KMT2A: variants seen among roughly 807,000 people sequenced by gnomAD.
KMT2A encodes the protein lysine methyltransferase 2A, also known as histone-lysine N-methyltransferase 2A.
KMT2A carries 16 observed loss-of-function variants against 345.3 expected under a neutral mutation model. The observed-to-expected ratio is 0.05, with a 90% CI of 0.03 to 0.07. The LOEUF (loss-of-function observed/expected upper bound fraction) is 0.07, where lower values mean the gene tolerates loss of function less well. Among genes scored for constraint, KMT2A ranks in the 10% least tolerant of loss-of-function variants. KMT2A has a pLI of 1.00. For synonymous variants in KMT2A, 1,599 were observed against 1,778.6 expected (o/e 0.90, Z 2.54); for missense variants, 3,272 against 4,841.6 (o/e 0.68, Z 9.62).
Position 118,505,868 on chromosome 11 carries a change from A to G in KMT2A, c.9976A>G (p.Thr3326Ala), listed in dbSNP as rs1434350804. Residue 3326 changes from threonine to alanine, a missense_variant, in exon 27 of 36, where the codon ACT becomes GCT. Physicochemically the swap from Thr to Ala is moderately conservative, Grantham distance 58 (BLOSUM62 0). This residue lies in a region of KMT2A where 748 missense variants were observed against 922.2 expected (regional missense o/e 0.81). Coordinates refer to ENST00000534358, the MANE Select transcript of KMT2A (RefSeq NM_001197104.2). This position sits in a 1 kb window ranked among gnomAD's most constrained non-coding sequence, Gnocchi z 4.6. ...AAGTSTISQDTSHLTSGSVSG... is the reference protein window; with the variant it reads ...AAGTSTISQDASHLTSGSVSG... Reference sequence around the variant, plus strand: ...AGGCACATCAACAATAAGCCAGGATACTAGCCACCTCACATCAGGGTCTGT... The same window carrying G: ...AGGCACATCAACAATAAGCCAGGATGCTAGCCACCTCACATCAGGGTCTGT... The G allele has an allele frequency of 6.2e-7, 1 of 1,614,098 alleles. No individual in the cohort carries two copies. The highest frequency in any genetic ancestry group is 1.3e-5 in the African/African-American group (1 of 74,932).
chr11:118,496,327 A>T lies in KMT2A; in HGVS notation c.5624A>T (p.Gln1875Leu). 1 of 1,613,856 alleles carries T rather than the reference A, an allele frequency of 6.2e-7. No homozygotes were observed. Among genetic ancestry groups the T allele is most frequent in the South Asian group, 1.1e-5 (1 of 91,086 alleles). Residue 1875 changes from glutamine (Q) to leucine (L), a missense_variant, in exon 20 of 36, where the codon CAG becomes CTG. By Grantham distance (113) the Gln-to-Leu change is moderately radical. Coordinates refer to ENST00000534358, the MANE Select transcript of KMT2A (RefSeq NM_001197104.2). The surrounding 1 kb of genome is among the most constrained non-coding windows in gnomAD (Gnocchi z 4.7). ...NPPPGIEDNRQCALCLTYGDD... is the reference protein window; with the variant it reads ...NPPPGIEDNRLCALCLTYGDD... ...CCCCCAGGCATAGAAGACAATAGAC[A>T]GTGTGCGTTATGTTTGACTTATGGT...
At position 118,524,290 on chromosome 11, in the gene KMT2A, G is replaced by A. The variant is rs1951034011; in HGVS notation, c.*2118G>A. 5.3e-6 allele frequency: 1 copy of A among 187,100 alleles called. No homozygotes were observed. The highest frequency in any genetic ancestry group is 2.3e-5 in the African/African-American group (1 of 42,666). The allele number at this position is 187,100 out of a possible 1,614,324, so 11.6% of individuals were successfully genotyped here. ...AGTAGTGTAGTCCAAGTAGAGGGTG[G>A]GGCACCCTTTTCTCGCCGCAAGAAG... On this transcript the variant is annotated 3_prime_UTR_variant, in exon 36 of 36. Transcript: ENST00000534358.
chr11:118,489,331 G>A (rs1317309086), intron 11 of KMT2A, among the ~76,000 whole-genome samples: 2 of 151,466 alleles, frequency 1.3e-5, no homozygotes, highest in African/African-American at 4.9e-5. Flanking sequence ...CATGGACTTT[G>A]GTATCCTCTG....
At chr11:118,513,106 G>A (rs758081290) in intron 31 of KMT2A, among the ~76,000 whole-genome samples, 4 of 152,032 alleles carry the variant, frequency 2.6e-5, no homozygotes, top group Admixed American at 6.6e-5. Context: ...AGCCGGCACC[G>A]TGGCATGCAC....
At position 118,502,817 on chromosome 11, in the gene KMT2A, G is replaced by A. The variant is rs1555046241; in HGVS notation, c.6925G>A (p.Glu2309Lys). 3 of 1,614,214 alleles carry A rather than the reference G, an allele frequency of 1.9e-6. No homozygotes were observed. In the South Asian group the frequency reaches 3.3e-5, roughly 18 times the overall value. Residue 2309 changes from glutamate (E) to lysine (K), a missense_variant, in exon 27 of 36, where the codon GAG becomes AAG. Transcript: ENST00000534358. This position sits in a 1 kb window ranked among gnomAD's most constrained non-coding sequence, Gnocchi z 4.9. ...LVSKSSSLKG[E>K]KTKVLSSKSS... is the part of the protein sequence containing the mutation. ...GTCCAAGAGCTCCTCTTTAAAGGGA[G>A]AGAAGACCAAAGTGCTGAGTTCCAA...
At chr11:118,442,413 A>T (rs1555026079) in intron 1 of KMT2A, among the ~76,000 whole-genome samples, 1 of 152,256 alleles carries the variant, frequency 6.6e-6, no homozygotes, top group Non-Finnish European at 1.5e-5. Flanking sequence ...AGGCACTAGT[A>T]GGAAAGAGGA....
intron 1 of KMT2A, chr11:118,447,625 G>T (rs1286538084): frequency 2.2e-6 from 1 of 451,586 alleles, no homozygotes; most frequent in East Asian, 7.0e-5. Context: ...CCATTTCTAG[G>T]TTCCTCAACT....
intron 1 of KMT2A, among the ~76,000 whole-genome samples, chr11:118,453,842 G>C (rs1362933883): frequency 1.3e-5 from 2 of 152,136 alleles, no homozygotes; most frequent in African/African-American, 4.8e-5. Context: ...TACCTAATAG[G>C]TATCTCTTAC....
In KMT2A at chr11:118,502,349, C is replaced by A; in HGVS notation, c.6506-49C>A. ...ATCATTGAAACCAGTGACTTCTACA[C>A]ATTTGTTCTATCTACAATAGCATTT... On this transcript the variant is annotated intron_variant, in intron 26 of 35. Transcript: ENST00000534358. The surrounding 1 kb of genome is among the most constrained non-coding windows in gnomAD (Gnocchi z 4.9). 3.1e-6 allele frequency: 4 copies of A among 1,306,094 alleles called. No individual in the cohort carries two copies. The highest frequency in any genetic ancestry group is 4.2e-6 in the Non-Finnish European group (4 of 944,956). The allele number at this position is 1,306,094 out of a possible 1,614,324, so 80.9% of individuals were successfully genotyped here.
rs564391923 is a variant in KMT2A, at chr11:118,440,912, G to A, written c.432+3968G>A. ...TGAAGGAGGGAACACAAGCAGAGTGGAGTGCACGAAGCCTCCGAGTAGAAG... is the reference window on the plus strand; with the variant it reads ...TGAAGGAGGGAACACAAGCAGAGTGAAGTGCACGAAGCCTCCGAGTAGAAG... On this transcript the variant is annotated intron_variant, in intron 1 of 35. Coordinates refer to ENST00000534358, the MANE Select transcript of KMT2A (RefSeq NM_001197104.2). Among the ~76,000 whole-genome samples the A allele has an allele frequency of 1.1e-3, 173 of 152,014 alleles. 2 individuals are homozygous for A. The highest frequency in any genetic ancestry group is 6.8e-3 in the Middle Eastern group (2 of 294).
In KMT2A at chr11:118,525,147, A is replaced by G. The variant is rs1247465205; in HGVS notation, c.*2975A>G. ...TCCAAACACATCTGAGTTCATTTCA[A>G]AAGTGACCAAGGGAATCTCCGCACA... On this transcript the variant is annotated 3_prime_UTR_variant, in exon 36 of 36. Coordinates refer to ENST00000534358, the MANE Select transcript of KMT2A (RefSeq NM_001197104.2). 1.3e-5 allele frequency: 3 copies of G among 229,142 alleles called. No homozygotes were observed. The highest frequency in any genetic ancestry group is 2.6e-5 in the Non-Finnish European group (3 of 115,354). 14.2% of individuals were successfully genotyped at this position (229,142 alleles called of 1,614,324 possible).
rs548435224 is a variant in KMT2A, at chr11:118,517,022, C to CT, written c.11147-2586dup. On this transcript the variant is annotated intron_variant, in intron 31 of 35. Coordinates refer to ENST00000534358, the MANE Select transcript of KMT2A (RefSeq NM_001197104.2). ...GAGTATGTAGTATGTTTTTCAATGTCTTTTTTTTTTAACCTAAGAATTCAC... is the reference window on the plus strand; with the variant it reads ...GAGTATGTAGTATGTTTTTCAATGTCTTTTTTTTTTTAACCTAAGAATTCAC... 6.2e-4 allele frequency among the ~76,000 whole-genome samples: 92 copies of CT among 148,722 alleles called. 1 individual carries two copies. In the East Asian group the frequency reaches 9.4e-3, roughly 15 times the overall value.
chr11:118,511,081 G>A (rs1591293456), intron 30 of KMT2A, among the ~76,000 whole-genome samples: 1 of 152,162 alleles, frequency 6.6e-6, no homozygotes, highest in East Asian at 1.9e-4. Context: ...AAACCTTGAG[G>A]ACTTTGAAAA....
intron 1 of KMT2A, among the ~76,000 whole-genome samples, chr11:118,440,448 CAT>C (rs1375208805): frequency 1.3e-5 from 2 of 152,176 alleles, no homozygotes; most frequent in African/African-American, 4.8e-5. Context: ...TCTAAATAAA[CAT>C]AGTACAGCAG....
At chr11:118,519,077 C>CAAAAAAAAAAAA in intron 31 of KMT2A, among the ~76,000 whole-genome samples, 1 of 66,448 alleles carries the variant, frequency 1.5e-5, no homozygotes, top group Non-Finnish European at 2.6e-5. Flanking sequence ...GACTCCATCT[C>CAAAAAAAAAAAA]AAAAAAAAAA....
At chr11:118,487,857 A>G (rs534834830) in intron 10 of KMT2A, among the ~76,000 whole-genome samples, 1 of 152,346 alleles carries the variant, frequency 6.6e-6, no homozygotes, top group South Asian at 2.1e-4. Context: ...TGAAAATCCT[A>G]TATCAATATG....
In KMT2A at chr11:118,502,491, C is replaced by A. The variant is rs782273023; in HGVS notation, c.6599C>A (p.Thr2200Asn). 1 of 1,614,014 alleles carries A rather than the reference C, an allele frequency of 6.2e-7. No homozygotes were observed. The highest frequency in any genetic ancestry group is 8.5e-7 in the Non-Finnish European group (1 of 1,179,978). ...LRSIGSRRHS[T>N]SSLSPQRSKL... ...AGCATTGGCTCCAGGCGTCACAGTA[C>A]CTCTTCCTTATCACCCCAGCGGTCC... Residue 2200 changes from threonine to asparagine, a missense_variant, in exon 27 of 36, where the codon ACC becomes AAC. Thr to Asn is a moderately conservative substitution (Grantham distance 65, BLOSUM62 0). Around this residue, in one of 27 missense-constraint regions of KMT2A, gnomAD observed 445 missense variants for 500.9 expected, o/e 0.89. Coordinates refer to ENST00000534358, the MANE Select transcript of KMT2A (RefSeq NM_001197104.2). This position sits in a 1 kb window ranked among gnomAD's most constrained non-coding sequence, Gnocchi z 4.9.
chr11:118,473,717 A>G lies in KMT2A; in HGVS notation c.2558A>G (p.Lys853Arg), dbSNP rs2134270236. The stretch of plus-strand genomic sequence containing the variant: ...ACTGAAAGAGGGAGAAATAAAGACA[A>G]GGCCCCCGAGGAGCTGTCCAAAGAT... The part of the protein sequence containing the change: ...SQTERGRNKD[K>R]APEELSKDRD... Residue 853 changes from lysine (K) to arginine (R), a missense_variant, in exon 3 of 36, where the codon AAG becomes AGG. This residue lies in a region of KMT2A where 209 missense variants were observed against 237.4 expected (regional missense o/e 0.88). Coordinates refer to ENST00000534358, the MANE Select transcript of KMT2A (RefSeq NM_001197104.2). The surrounding 1 kb of genome is among the most constrained non-coding windows in gnomAD (Gnocchi z 5.2). 2 of 1,614,156 alleles carry G rather than the reference A, an allele frequency of 1.2e-6. No homozygotes were observed. The highest frequency in any genetic ancestry group is 1.7e-6 in the Non-Finnish European group (2 of 1,180,008).
Position 118,520,093 on chromosome 11 carries a change from GAAACTGC to G in KMT2A, c.11429+30_11429+36del. ...AGTCTTGAGTGGGGAGCAGTCATTA[GAAACTGC>G]TTTCCCTCTCCTCCAGCTGGTCAGG... is the stretch of plus-strand genomic sequence containing the variant. On this transcript the variant is annotated intron_variant, in intron 33 of 35. Transcript: ENST00000534358. The surrounding 1 kb of genome is among the most constrained non-coding windows in gnomAD (Gnocchi z 4.3). 6.9e-7 allele frequency: 1 copy of G among 1,447,868 alleles called. No individual in the cohort carries two copies. Among genetic ancestry groups the G allele is most frequent in the Non-Finnish European group, 9.7e-7 (1 of 1,031,504 alleles). 89.7% of individuals were successfully genotyped at this position (1,447,868 alleles called of 1,614,324 possible). A position where few individuals can be genotyped will look rare whatever the true frequency, so the allele number is the denominator to read the frequency against.
Sources: gnomAD v4.1 joint callset for allele counts (sites outside exome capture counted in the v4.1 genomes callset) on GRCh38, gnomAD v4.1.1 for gene constraint, gnomAD v4.1.1 regional missense constraint, Gnocchi (gnomAD v3.1) non-coding constraint, MANE v1.5 for transcripts, NCBI Gene and HGNC (gene_info 2026-07-23, HGNC 2026-07-21) for gene names.